The following SLCO4A1 variants were observed in gnomAD, a reference collection of about 807,000 sequenced individuals.
SLCO4A1 encodes solute carrier organic anion transporter family member 4A1.
Under a neutral mutation model 64.6 loss-of-function variants are expected in SLCO4A1, and 51 were observed. The ratio of observed to expected loss-of-function variants is 0.79; its 90% CI spans 0.63 to 1.00. The LOEUF is 1.00. Ranked by LOEUF, SLCO4A1 falls within the 50% of genes least tolerant of loss-of-function variation. The pLI is 0.00. For missense variants in SLCO4A1, 919 were observed against 980.5 expected (o/e 0.94, Z 0.84); for synonymous variants, 471 against 444.9 (o/e 1.06, Z -0.74).
At chr20:62,676,188 G>A (rs1199764253), downstream of SLCO4A1, among the ~76,000 whole-genome samples, 1 of 152,204 alleles carries the variant, frequency 6.6e-6, no homozygotes, top group East Asian at 1.9e-4. Flanking sequence ...GCTGAGGCAA[G>A]CAGATCGCTT....
intron 2 of SLCO4A1, among the ~76,000 whole-genome samples, chr20:62,679,052 C>G (rs766160510): frequency 6.6e-6 from 1 of 152,144 alleles, no homozygotes; most frequent in Non-Finnish European, 1.5e-5. Flanking sequence ...AACCCCATCT[C>G]TACTGAAAAT....
rs754029067 is a variant in SLCO4A1, at chr20:62,665,106, TG to T, written c.1276+23del. On this transcript the variant is annotated intron_variant, in intron 6 of 11. Coordinates refer to ENST00000217159, the MANE Select transcript of SLCO4A1 (RefSeq NM_016354.4). ...CTTGTTTGGTGAGAAAACTGAATCT[TG>T]GGGGTCCTCTGCTTTTATGTCAGTT... is the stretch of plus-strand genomic sequence containing the variant. 6.3e-7 allele frequency: 1 copy of T among 1,596,448 alleles called. No individual in the cohort carries two copies.
intron 3 of SLCO4A1, among the ~76,000 whole-genome samples, chr20:62,659,795 C>T (rs1444167799): frequency 6.6e-6 from 1 of 152,256 alleles, no homozygotes; most frequent in African/African-American, 2.4e-5. Context: ...TTTGCCCTCC[C>T]GCCGCTGCCT....
At position 62,656,602 on chromosome 20, in the gene SLCO4A1, A is replaced by T; in HGVS notation, c.148A>T (p.Ser50Cys). The T allele has an allele frequency of 7.5e-6, 12 of 1,598,690 alleles. No homozygotes were observed. The highest frequency in any genetic ancestry group is 1.0e-5 in the Non-Finnish European group (12 of 1,174,760). ...CGGCTCCCTCCGCTCCGCTGCCCAT[A>T]GCCCCCTGGACACCAGCAAGCAGCC... ...SPGSLRSAAHSPLDTSKQPLC... is the reference protein window; with the variant it reads ...SPGSLRSAAHCPLDTSKQPLC... Residue 50 changes from serine (S) to cysteine (C), a missense_variant, in exon 2 of 12, where the codon AGC becomes TGC. Coordinates refer to ENST00000217159, the MANE Select transcript of SLCO4A1 (RefSeq NM_016354.4).
intron 1 of SLCO4A1, among the ~76,000 whole-genome samples, chr20:62,654,715 G>A (rs1361835975): frequency 2.0e-5 from 3 of 152,170 alleles, no homozygotes; most frequent in Admixed American, 1.3e-4. Flanking sequence ...TTCCAGAAGC[G>A]CCGGGGTCCC....
At chr20:62,654,742 A>G (rs895263543) in intron 1 of SLCO4A1, among the ~76,000 whole-genome samples, 1 of 151,562 alleles carries the variant, frequency 6.6e-6, no homozygotes, top group East Asian at 2.0e-4. Context: ...ATGTGATACA[A>G]TGTGGCCCAA....
chr20:62,666,602 G>A (rs375283155), intron 7 of SLCO4A1, 27 bp downstream of exon 7: 10 of 1,601,768 alleles, frequency 6.2e-6, no homozygotes, highest in Admixed American at 3.3e-5. Context: ...ACCTGGGTAC[G>A]CGTCGGGGCC....
intron 1 of SLCO4A1, among the ~76,000 whole-genome samples, chr20:62,652,478 C>T (rs1020291875): frequency 1.3e-5 from 2 of 152,134 alleles, no homozygotes; most frequent in Admixed American, 1.3e-4. Flanking sequence ...CTTGCTCCTC[C>T]GGCTTTTCCG....
At chr20:62,664,204 T>TC (rs997078109) in intron 5 of SLCO4A1, among the ~76,000 whole-genome samples, 12 of 150,250 alleles carry the variant, frequency 8.0e-5, no homozygotes, top group Non-Finnish European at 1.5e-4. Context: ...TTCCCACAGT[T>TC]CCCCCCAGGG....
chr20:62,659,620 T>C (rs1484845142), intron 3 of SLCO4A1, among the ~76,000 whole-genome samples: 27 of 151,894 alleles, frequency 1.8e-4, no homozygotes, highest in Non-Finnish European at 1.5e-5. Context: ...CTGGGCCCAC[T>C]TTGCACAAAG....
chr20:62,671,689 C>A, intron 11 of SLCO4A1, 61 bp from the exon 12 acceptor site: 1 of 1,524,614 alleles, frequency 6.6e-7, no homozygotes, highest in Non-Finnish European at 9.0e-7. Flanking sequence ...GACAGGCCCA[C>A]CAGTATCCAA....
chr20:62,687,565 G>T (rs1988107197), downstream of SLCO4A1, among the ~76,000 whole-genome samples: 1 of 152,258 alleles, frequency 6.6e-6, no homozygotes, highest in South Asian at 2.1e-4. Flanking sequence ...CAGCGCACGG[G>T]GCAGAGCCTC....
chr20:62,668,397 C>T, intron 9 of SLCO4A1, 80 bp from the exon 10 acceptor site: 2 of 1,462,920 alleles, frequency 1.4e-6, no homozygotes, highest in South Asian at 2.3e-5. Flanking sequence ...GGGACTGGTC[C>T]AGGAGGCCAC....
At chr20:62,657,462 CT>C (rs1983960092) in intron 2 of SLCO4A1, among the ~76,000 whole-genome samples, 1 of 152,246 alleles carries the variant, frequency 6.6e-6, no homozygotes, top group South Asian at 2.1e-4. Flanking sequence ...CATGTGGACC[CT>C]GCTCAGGGCT....
chr20:62,679,243 T>A lies in SLCO4A1; in HGVS notation n.212-6198T>A, dbSNP rs190292939. Among the ~76,000 whole-genome samples, 133 of 152,288 alleles carry A rather than the reference T, an allele frequency of 8.7e-4. 1 individual carries two copies. Among genetic ancestry groups the A allele is most frequent in the African/African-American group, 3.1e-3 (128 of 41,562 alleles). On this transcript the variant is annotated intron_variant and non_coding_transcript_variant, in intron 2 of 2. Transcript: ENST00000466818. ...CAAAAAAGTAGCATGGCAGAGCTGCTCTGGGTCACGAAGCTATCTGTGTCC... is the reference window on the plus strand; with the variant it reads ...CAAAAAAGTAGCATGGCAGAGCTGCACTGGGTCACGAAGCTATCTGTGTCC...
At chr20:62,647,195 G>A (rs948836202) in intron 1 of SLCO4A1, among the ~76,000 whole-genome samples, 1 of 152,256 alleles carries the variant, frequency 6.6e-6, no homozygotes, top group Non-Finnish European at 1.5e-5. Context: ...CCAGCTTGAG[G>A]AAGAGACCCT....
rs920496946 is a variant in SLCO4A1, at chr20:62,656,710, T to A, written c.256T>A (p.Cys86Ser). 3.1e-6 allele frequency: 5 copies of A among 1,610,616 alleles called. No individual in the cohort carries two copies. The highest frequency in any genetic ancestry group is 4.2e-6 in the Non-Finnish European group (5 of 1,178,910). ...RYVSAGQSVA[C>S]GWWAFAPPCL... Reference sequence around the variant, plus strand: ...CGTCTCGGCCGGGCAGAGCGTGGCGTGCGGCTGGTGGGCCTTCGCACCGCC... The same window carrying A: ...CGTCTCGGCCGGGCAGAGCGTGGCGAGCGGCTGGTGGGCCTTCGCACCGCC... Residue 86 changes from cysteine to serine, a missense_variant, in exon 2 of 12, where the codon TGC becomes AGC. Cys to Ser is a moderately radical substitution (Grantham distance 112). Coordinates refer to ENST00000217159, the MANE Select transcript of SLCO4A1 (RefSeq NM_016354.4).
chr20:62,677,607 G>A (rs183084191), intron 2 of SLCO4A1, among the ~76,000 whole-genome samples: 2 of 152,144 alleles, frequency 1.3e-5, no homozygotes, highest in African/African-American at 4.8e-5. Context: ...GTAGAGACCT[G>A]CACTCCAACC....
At chr20:62,662,018 T>G (rs1231185485) in intron 5 of SLCO4A1, among the ~76,000 whole-genome samples, 1 of 152,062 alleles carries the variant, frequency 6.6e-6, no homozygotes, top group Non-Finnish European at 1.5e-5. Context: ...CTTGTGCCCT[T>G]GTAGCAGCAG....
Sources: allele counts gnomAD v4.1 joint callset (sites outside exome capture counted in the v4.1 genomes callset), GRCh38; gene constraint gnomAD v4.1.1; transcripts MANE v1.5; gene names NCBI Gene and HGNC (gene_info 2026-07-23, HGNC 2026-07-21).